TRPM6: variants seen among roughly 807,000 people sequenced by gnomAD.
TRPM6 encodes the protein channel kinase 2.
TRPM6 carries 111 observed loss-of-function variants against 247.6 expected under a neutral mutation model. The ratio of observed to expected loss-of-function variants is 0.45; its 90% CI spans 0.38 to 0.52. The LOEUF (loss-of-function observed/expected upper bound fraction) is 0.52. Among genes scored for constraint, TRPM6 ranks in the 20% least tolerant of loss-of-function variants. The pLI is 0.00. For missense variants in TRPM6, 2,126 were observed against 2,421.5 expected, an observed-to-expected ratio of 0.88 and a Z score of 2.56; for synonymous variants, 892 against 853.8, an observed-to-expected ratio of 1.04 and a Z score of -0.78.
At chr9:74,812,488 A>G (rs528272812) in intron 11 of TRPM6, 55 bp from the exon 12 acceptor site, 7 of 1,527,370 alleles carry the variant, frequency 4.6e-6, no homozygotes, top group South Asian at 1.1e-5. Flanking sequence ...AGAAATAACT[A>G]AAGAATTACA....
rs1829969976 is a variant in TRPM6, at chr9:74,842,320, C to T, written c.176G>A (p.Gly59Glu). ...LIRCYCGRLI[G>E]DHAGIDYSWT... ...GGAATAATCTATCCCAGCATGGTCT[C>T]CAATCAGTCGGCCACAGTAACACCT... The change falls in exon 4 of 39, where the codon GGA becomes GAA. Residue 59 changes from glycine (G) to glutamate (E), a missense_variant. By Grantham distance (98) the Gly-to-Glu change is moderately conservative. Coordinates refer to ENST00000360774, the MANE Select transcript of TRPM6 (RefSeq NM_017662.5). 1.9e-6 allele frequency: 3 copies of T among 1,613,964 alleles called. No individual in the cohort carries two copies. Among genetic ancestry groups the T allele is most frequent in the East Asian group, 2.2e-5 (1 of 44,890 alleles).
chr9:74,833,880 T>C, intron 6 of TRPM6, 118 bp downstream of exon 6: 1 of 1,369,182 alleles, frequency 7.3e-7, no homozygotes, highest in Non-Finnish European at 1.0e-6. Context: ...AAGTCAGGAG[T>C]TGGTAGTGAA....
intron 25 of TRPM6, among the ~76,000 whole-genome samples, chr9:74,764,328 A>T (rs903801287): frequency 1.3e-5 from 2 of 152,174 alleles, no homozygotes; most frequent in Non-Finnish European, 2.9e-5. Context: ...TTAAAATGTG[A>T]TCATCAGGCT....
intron 23 of TRPM6, 22 bp from the exon 24 acceptor site, chr9:74,776,098 G>C: frequency 6.3e-7 from 1 of 1,592,694 alleles, no homozygotes; most frequent in Non-Finnish European, 8.6e-7. Context: ...AGTAAGAGAG[G>C]GACAATGTTT....
chr9:74,823,492 C>G (rs1829205227), intron 7 of TRPM6, among the ~76,000 whole-genome samples: 1 of 152,150 alleles, frequency 6.6e-6, no homozygotes, highest in Admixed American at 6.5e-5. Context: ...AGGGATGGGT[C>G]AGTTAGCAAC....
chr9:74,801,230 A>G (rs1828320717), intron 16 of TRPM6, among the ~76,000 whole-genome samples: 1 of 133,868 alleles, frequency 7.5e-6, no homozygotes, highest in Admixed American at 7.9e-5. Context: ...GAGCCACTGC[A>G]CCAAGCCTGG....
intron 25 of TRPM6, among the ~76,000 whole-genome samples, chr9:74,768,128 T>C (rs1826890609): frequency 6.6e-6 from 1 of 152,330 alleles, no homozygotes; most frequent in Admixed American, 6.5e-5. Flanking sequence ...GAATTGTTTA[T>C]GTCTGCTTCT....
intron 29 of TRPM6, among the ~76,000 whole-genome samples, chr9:74,751,063 C>G (rs760756080): frequency 6.6e-6 from 1 of 152,184 alleles, no homozygotes; most frequent in Non-Finnish European, 1.5e-5. Flanking sequence ...CATACACAAT[C>G]AGCTAATGAC....
intron 16 of TRPM6, among the ~76,000 whole-genome samples, chr9:74,801,675 A>T (rs192457151): frequency 6.6e-5 from 10 of 152,338 alleles, no homozygotes; most frequent in African/African-American, 1.9e-4. Flanking sequence ...TAATTAGTCA[A>T]CAGCTGGACT....
At chr9:74,744,376 G>A (rs1180312459) in intron 31 of TRPM6, among the ~76,000 whole-genome samples, 2 of 152,076 alleles carry the variant, frequency 1.3e-5, no homozygotes, top group Non-Finnish European at 2.9e-5. Flanking sequence ...ATTGAAGAAA[G>A]GCAGGTAATA....
At chr9:74,788,767 A>G in intron 19 of TRPM6, 25 bp from the exon 20 acceptor site, 1 of 1,612,554 alleles carries the variant, frequency 6.2e-7, no homozygotes, top group Non-Finnish European at 8.5e-7. Flanking sequence ...CACATTCCCC[A>G]GATGTGAGTG....
rs149292305 is a variant in TRPM6 at position 74,821,684 on chromosome 9, T to C, written c.995A>G (p.His332Arg). ...AADLLAFTHK[H>R]LADEGMLRPQ... ...AACAACTCACCCTTCATCTGCCAGG[T>C]GTTTGTGTGTGAAGGCCAGGAGGTC... Residue 332 changes from histidine to arginine, a missense_variant, in exon 8 of 39, where the codon CAC becomes CGC. Around this residue, in one of 3 missense-constraint regions of TRPM6, gnomAD observed 1,082 missense variants for 1,307.9 expected, o/e 0.83. Coordinates refer to ENST00000360774, the MANE Select transcript of TRPM6 (RefSeq NM_017662.5). 2 of 1,614,070 alleles carry C rather than the reference T, an allele frequency of 1.2e-6. No individual in the cohort carries two copies. The highest frequency in any genetic ancestry group is 2.7e-5 in the African/African-American group (2 of 74,926).
At chr9:74,856,467 C>CTG (rs57338419) in intron 2 of TRPM6, among the ~76,000 whole-genome samples, 3,359 of 147,686 alleles carry the variant, frequency 0.023, 55 homozygotes, top group African/African-American at 0.047. Flanking sequence ...GTGTGTGTGT[C>CTG]TGTGTGTGTG....
In TRPM6 at chr9:74,762,470, C is replaced by T; in HGVS notation, c.4201G>A (p.Asp1401Asn). The change falls in exon 26 of 39, where the codon GAT (aspartate) becomes AAT (asparagine). Residue 1401 changes from aspartate to asparagine, a missense_variant. Transcript: ENST00000360774. ...GGCTCGTGCTTTTCCTTGGGTTCAT[C>T]CACTGATGCCCAGTCAGAGACAACT... is the stretch of plus-strand genomic sequence containing the variant. Reference protein sequence around the residue: ...TPVVSDWASVDEPKEKHEPIA... With the variant: ...TPVVSDWASVNEPKEKHEPIA... 1 of 1,614,152 alleles carries T rather than the reference C, an allele frequency of 6.2e-7. No individual in the cohort carries two copies. Among genetic ancestry groups the T allele is most frequent in the Admixed American group, 1.7e-5 (1 of 60,010 alleles).
chr9:74,816,881 C>T lies in TRPM6; in HGVS notation c.1207+11G>A. On this transcript the variant is annotated intron_variant, in intron 10 of 38. Coordinates refer to ENST00000360774, the MANE Select transcript of TRPM6 (RefSeq NM_017662.5). Reference sequence around the variant, plus strand: ...AATGAGGAACAATTGCAACCCCATCCAGATACTCACCCTTCAGCAAAGCTG... The same window carrying T: ...AATGAGGAACAATTGCAACCCCATCTAGATACTCACCCTTCAGCAAAGCTG... 6.2e-7 allele frequency: 1 copy of T among 1,613,926 alleles called. No homozygotes were observed. Among genetic ancestry groups the T allele is most frequent in the Non-Finnish European group, 8.5e-7 (1 of 1,179,814 alleles).
intron 3 of TRPM6, among the ~76,000 whole-genome samples, chr9:74,853,860 C>T (rs962341722): frequency 3.3e-5 from 5 of 151,046 alleles, no homozygotes; most frequent in Non-Finnish European, 5.9e-5. Context: ...TCAATAAATA[C>T]TAAAAAAATA....
intron 19 of TRPM6, among the ~76,000 whole-genome samples, chr9:74,789,960 CAAAAAAAAAA>C (rs71368680): frequency 1.5e-5 from 1 of 65,114 alleles, no homozygotes; most frequent in Non-Finnish European, 2.8e-5. Context: ...GACTCCATCT[CAAAAAAAAAA>C]AAAAAAAAAA....
At chr9:74,824,987 T>C (rs12236300) in intron 7 of TRPM6, among the ~76,000 whole-genome samples, 86,970 of 151,982 alleles carry the variant, frequency 0.57, 25,155 homozygotes, top group East Asian at 0.8. Flanking sequence ...AGGCTGGGCA[T>C]GGTGGCTCAC....
chr9:74,772,724 A>G (rs1406710187), intron 24 of TRPM6, among the ~76,000 whole-genome samples: 1 of 152,124 alleles, frequency 6.6e-6, no homozygotes, highest in Non-Finnish European at 1.5e-5. Flanking sequence ...CAACCTACTG[A>G]TGGCAGGGCA....
Sources: gnomAD v4.1 joint callset for allele counts (sites outside exome capture counted in the v4.1 genomes callset) on GRCh38, gnomAD v4.1.1 for gene constraint, gnomAD v4.1.1 regional missense constraint, MANE v1.5 for transcripts, NCBI Gene and HGNC (gene_info 2026-07-23, HGNC 2026-07-21) for gene names.